DDX10: variants seen among roughly 807,000 people sequenced by gnomAD.
DDX10 encodes the protein probable ATP-dependent RNA helicase DDX10.
Under a neutral mutation model 104.3 loss-of-function variants are expected in DDX10, and 74 were observed. The ratio of observed to expected loss-of-function variants is 0.71; its 90% CI spans 0.59 to 0.86. The LOEUF is 0.86. DDX10 is among the 40% of genes least tolerant of loss of function. The probability of loss-of-function intolerance (pLI) is 0.00; values close to 1 mark genes in which losing one functional copy is unlikely to be tolerated. For synonymous variants in DDX10, 351 were observed against 353.4 expected (o/e 0.99, Z 0.08); for missense variants, 952 against 1,040.0 (o/e 0.92, Z 1.16).
intron 13 of DDX10, among the ~76,000 whole-genome samples, chr11:108,727,338 T>C (rs1005439932): frequency 6.6e-6 from 1 of 152,138 alleles, no homozygotes. Flanking sequence ...AATTTGTGTA[T>C]ATATTGCTTA....
At chr11:108,898,014 C>G (rs951557451) in intron 16 of DDX10, among the ~76,000 whole-genome samples, 1 of 152,036 alleles carries the variant, frequency 6.6e-6, no homozygotes, top group Non-Finnish European at 1.5e-5. Context: ...AGAGATAGTT[C>G]CCATGATCCT....
intron 10 of DDX10, among the ~76,000 whole-genome samples, chr11:108,710,244 CTG>C (rs1325238583): frequency 6.6e-6 from 1 of 152,098 alleles, no homozygotes; most frequent in South Asian, 2.1e-4. Flanking sequence ...TTGGTAAACA[CTG>C]TACACGTAGG....
intron 6 of DDX10, among the ~76,000 whole-genome samples, chr11:108,682,324 C>T (rs1307264898): frequency 4.6e-5 from 7 of 152,104 alleles, no homozygotes; most frequent in African/African-American, 7.2e-5. Context: ...AGGCTAGTCT[C>T]GAACTCCTAA....
chr11:108,821,626 A>C (rs1591827248), intron 13 of DDX10, among the ~76,000 whole-genome samples: 1 of 152,276 alleles, frequency 6.6e-6, no homozygotes. Flanking sequence ...TGAGGTATAG[A>C]GTTTTTTTCT....
intron 13 of DDX10, among the ~76,000 whole-genome samples, chr11:108,815,394 C>T (rs1008891295): frequency 2.0e-5 from 3 of 152,086 alleles, no homozygotes; most frequent in Non-Finnish European, 4.4e-5. Flanking sequence ...TCTGTGCACA[C>T]TCAAGTTCTG....
chr11:108,783,789 T>C (rs2134541756), intron 13 of DDX10, among the ~76,000 whole-genome samples: 2 of 152,310 alleles, frequency 1.3e-5, no homozygotes, highest in African/African-American at 4.8e-5. Context: ...GTGAGCATAG[T>C]ACCCAATAAG....
intron 6 of DDX10, among the ~76,000 whole-genome samples, chr11:108,686,951 CT>C (rs1354764145): frequency 6.6e-6 from 1 of 151,920 alleles, no homozygotes. Context: ...CGCCCGGCTA[CT>C]TTTTTTGTAC....
chr11:108,848,932 A>T (rs565800831), intron 15 of DDX10, among the ~76,000 whole-genome samples: 1 of 152,292 alleles, frequency 6.6e-6, no homozygotes, highest in African/African-American at 2.4e-5. Flanking sequence ...AGAGCCTACC[A>T]TGTGGCTCGG....
chr11:108,909,834 C>G (rs1863645093), intron 16 of DDX10, among the ~76,000 whole-genome samples: 1 of 152,292 alleles, frequency 6.6e-6, no homozygotes, highest in East Asian at 1.9e-4. Context: ...GGCACCACAA[C>G]AGGCAAGAAG....
intron 17 of DDX10, among the ~76,000 whole-genome samples, chr11:108,925,008 T>A (rs1290146672): frequency 1.3e-5 from 2 of 152,232 alleles, no homozygotes; most frequent in Non-Finnish European, 2.9e-5. Flanking sequence ...TCTTTCCTCT[T>A]ACTCTTTTCA....
At chr11:108,788,506 G>A (rs947400370) in intron 13 of DDX10, among the ~76,000 whole-genome samples, 2 of 152,114 alleles carry the variant, frequency 1.3e-5, no homozygotes, top group Non-Finnish European at 2.9e-5. Context: ...GGGATTACAG[G>A]TATGCGCCAC....
intron 13 of DDX10, among the ~76,000 whole-genome samples, chr11:108,752,779 A>C (rs1262723222): frequency 6.6e-6 from 1 of 152,108 alleles, no homozygotes; most frequent in Non-Finnish European, 1.5e-5. Context: ...AACGTAGCCT[A>C]ATATTTTTGC....
intron 13 of DDX10, among the ~76,000 whole-genome samples, chr11:108,743,120 A>G (rs2094327285): frequency 6.6e-6 from 1 of 152,180 alleles, no homozygotes; most frequent in Admixed American, 6.5e-5. Context: ...CATAGATGCA[A>G]AAATCCTCAA....
intron 13 of DDX10, among the ~76,000 whole-genome samples, chr11:108,814,055 G>T (rs1320062488): frequency 6.6e-6 from 1 of 152,124 alleles, no homozygotes; most frequent in Non-Finnish European, 1.5e-5. Context: ...GCAATCCACT[G>T]TAAGGGTTTA....
At chr11:108,934,891 A>G (rs1201366290) in intron 17 of DDX10, among the ~76,000 whole-genome samples, 1 of 152,156 alleles carries the variant, frequency 6.6e-6, no homozygotes, top group Non-Finnish European at 1.5e-5. Context: ...GACTGGATTG[A>G]GTGTTCTGGG....
chr11:108,888,784 T>TAA lies in DDX10; in HGVS notation c.2305-29078_2305-29077dup, dbSNP rs61520289. The stretch of plus-strand genomic sequence containing the variant: ...ACAAGATTTATCAAATTCTATCGTT[T>TAA]AAAAAAAAAAAACCACTTTTTTTGA... On this transcript the variant is annotated intron_variant, in intron 16 of 17. Transcript: ENST00000322536. Among the ~76,000 whole-genome samples the TAA allele has an allele frequency of 5.1e-4, 75 of 147,386 alleles. 1 individual carries two copies. Among genetic ancestry groups the TAA allele is most frequent in the East Asian group, 1.6e-3 (8 of 5,084 alleles).
chr11:108,699,140 A>C (rs560259386), intron 9 of DDX10, among the ~76,000 whole-genome samples: 1 of 151,826 alleles, frequency 6.6e-6, no homozygotes, highest in South Asian at 2.1e-4. Context: ...ATGTACCCTA[A>C]GTGCTTAGAA....
At chr11:108,837,181 C>A (rs1381390094) in intron 13 of DDX10, among the ~76,000 whole-genome samples, 1 of 152,134 alleles carries the variant, frequency 6.6e-6, no homozygotes, top group East Asian at 1.9e-4. Flanking sequence ...GAGGTAGATA[C>A]CATTGGTGTC....
intron 9 of DDX10, among the ~76,000 whole-genome samples, chr11:108,698,894 G>T (rs12099333): frequency 6.6e-6 from 1 of 152,126 alleles, no homozygotes; most frequent in South Asian, 2.1e-4. Flanking sequence ...GCTTTTGCCC[G>T]TAGGGCCTTT....
Sources: allele counts gnomAD v4.1 joint callset (sites outside exome capture counted in the v4.1 genomes callset), GRCh38; gene constraint gnomAD v4.1.1; transcripts MANE v1.5; gene names NCBI Gene and HGNC (gene_info 2026-07-23, HGNC 2026-07-21).